The following NEBL variants were observed in gnomAD, a reference collection of about 807,000 sequenced individuals.
The protein encoded by NEBL is LIM and SH3 protein 2.
Under a neutral mutation model 140.2 loss-of-function variants are expected in NEBL, and 122 were observed. The observed-to-expected ratio is 0.87, with a 90% CI of 0.75 to 1.01. NEBL has a LOEUF of 1.01. Among genes scored for constraint, NEBL ranks in the 50% least tolerant of loss-of-function variants. The pLI, the probability that NEBL is intolerant of heterozygous loss-of-function variation, is 0.00. For missense variants in NEBL, 1,365 were observed against 1,231.3 expected, an observed-to-expected ratio of 1.11 and a Z score of -1.62; for synonymous variants, 436 against 398.9, an observed-to-expected ratio of 1.09 and a Z score of -1.11.
chr10:20,826,363 A>G, intron 18 of NEBL, 84 bp downstream of exon 18: 2 of 1,038,694 alleles, frequency 1.9e-6, no homozygotes, highest in East Asian at 2.4e-5. Context: ...GAAAAAAGCC[A>G]TCAGTTGAGT....
chr10:20,808,623 G>A lies in NEBL; in HGVS notation c.2648C>T (p.Ser883Phe), dbSNP rs1220796680. 2 of 1,613,320 alleles carry A rather than the reference G, an allele frequency of 1.2e-6. No individual in the cohort carries two copies. Among genetic ancestry groups the A allele is most frequent in the East Asian group, 2.2e-5 (1 of 44,860 alleles). ...TGTACCGAAAGTACTGCTGGAATGG[G>A]ATCGAGACCAGTGTCGCCTATAGTG... Reference protein sequence around the residue: ...ASHYRRHWSRSHSSSTFGTGL... With the variant: ...ASHYRRHWSRFHSSSTFGTGL... The change falls in exon 26 of 28, where the codon TCC becomes TTC. Residue 883 changes from serine to phenylalanine, a missense_variant. Coordinates refer to ENST00000377122, the MANE Select transcript of NEBL (RefSeq NM_006393.3).
chr10:21,232,679 T>C lies in NEBL; in HGVS notation n.348+15242A>G, dbSNP rs894963335. Among the ~76,000 whole-genome samples the C allele has an allele frequency of 5.9e-5, 9 of 152,182 alleles. 1 individual carries two copies. Among genetic ancestry groups the C allele is most frequent in the Non-Finnish European group, 1.2e-4 (8 of 68,038 alleles). On this transcript the variant is annotated intron_variant and non_coding_transcript_variant, in intron 3 of 8. Transcript: ENST00000675702. ...TGCTGCAGATCTGATGAGGCGGAGC[T>C]CACGTGGTAATTCAAGTGATGGGGA...
At chr10:21,003,310 C>T (rs1350488522) in intron 3 of NEBL, among the ~76,000 whole-genome samples, 1 of 152,158 alleles carries the variant, frequency 6.6e-6, no homozygotes, top group African/African-American at 2.4e-5. Context: ...TGGAGGGAAA[C>T]AGCTTTATGG....
intron 2 of NEBL, among the ~76,000 whole-genome samples, chr10:21,068,859 G>T (rs938028220): frequency 2.0e-5 from 3 of 152,074 alleles, no homozygotes; most frequent in African/African-American, 7.2e-5. Flanking sequence ...TTATTACATT[G>T]TCTCATCTTC....
chr10:21,024,549 G>T (rs1838944305), intron 2 of NEBL, among the ~76,000 whole-genome samples: 1 of 151,710 alleles, frequency 6.6e-6, no homozygotes, highest in African/African-American at 2.4e-5. Flanking sequence ...AGAAAGAGTG[G>T]GATGGCCTCA....
chr10:21,010,614 AT>A (rs1052447790), intron 3 of NEBL, among the ~76,000 whole-genome samples: 6 of 152,096 alleles, frequency 3.9e-5, no homozygotes, highest in African/African-American at 1.4e-4. Context: ...TCAAAAAAAA[AT>A]AAGAAAGCAT....
intron 1 of NEBL, among the ~76,000 whole-genome samples, chr10:21,253,947 C>G (rs928529966): frequency 6.6e-6 from 1 of 152,134 alleles, no homozygotes; most frequent in Non-Finnish European, 1.5e-5. Context: ...AATGAAGAAA[C>G]TTTGCACAAA....
intron 2 of NEBL, among the ~76,000 whole-genome samples, chr10:21,082,535 T>TACAAAAAAAAA (rs1836420591): frequency 8.5e-6 from 1 of 117,306 alleles, no homozygotes; most frequent in Non-Finnish European, 1.7e-5. Flanking sequence ...CCACCACCAC[T>TACAAAAAAAAA]AAAAAAAAAA....
chr10:21,178,128 G>T (rs553231553), upstream of NEBL, among the ~76,000 whole-genome samples: 1 of 152,254 alleles, frequency 6.6e-6, no homozygotes, highest in Admixed American at 6.5e-5. Context: ...TTTCTCCAAA[G>T]ATCTTAAGCA....
intron 3 of NEBL, among the ~76,000 whole-genome samples, chr10:21,227,701 C>CTTCT (rs1842176988): frequency 1.2e-5 from 1 of 82,626 alleles, no homozygotes; most frequent in African/African-American, 6.1e-5. Flanking sequence ...TCTTCTTCTT[C>CTTCT]TTCTTCTTCT....
chr10:21,228,727 C>A (rs1159471533), intron 3 of NEBL, among the ~76,000 whole-genome samples: 1 of 152,148 alleles, frequency 6.6e-6, no homozygotes, highest in Non-Finnish European at 1.5e-5. Flanking sequence ...AATAAAATTT[C>A]TAAAATATAA....
Position 20,873,666 on chromosome 10 carries a change from A to C in NEBL, c.481-3825T>G, listed in dbSNP as rs118105259. 3.8e-3 allele frequency among the ~76,000 whole-genome samples: 571 copies of C among 152,244 alleles called. 17 individuals carry two copies. The highest frequency in any genetic ancestry group is 0.025 in the East Asian group (130 of 5,184). ...TTTTTTCAAGGTATGACGGTATGAA[A>C]TTTTTCAAACAATCATAACATCTGC... On this transcript the variant is annotated intron_variant, in intron 5 of 27. Transcript: ENST00000377122.
chr10:21,160,546 A>G (rs905222340), intron 2 of NEBL, among the ~76,000 whole-genome samples: 1 of 151,960 alleles, frequency 6.6e-6, no homozygotes, highest in East Asian at 1.9e-4. Flanking sequence ...AAATTTTTAA[A>G]TAGAATTCCC....
chr10:21,027,326 GTT>G (rs35413279), intron 2 of NEBL, among the ~76,000 whole-genome samples: 42 of 143,102 alleles, frequency 2.9e-4, no homozygotes, highest in East Asian at 4.1e-4. Flanking sequence ...AACTTTTTTT[GTT>G]TTTTTTTTTT....
chr10:21,089,584 AC>A (rs1432797098), intron 2 of NEBL, among the ~76,000 whole-genome samples: 1 of 151,954 alleles, frequency 6.6e-6, no homozygotes, highest in East Asian at 1.9e-4. Flanking sequence ...CACTGAATTC[AC>A]TCAAAAAGTG....
At chr10:21,036,031 C>T (rs559152516) in intron 2 of NEBL, among the ~76,000 whole-genome samples, 3 of 152,080 alleles carry the variant, frequency 2.0e-5, no homozygotes, top group East Asian at 1.9e-4. Context: ...GGCATGGTGG[C>T]GCGCACCTGT....
At chr10:20,929,503 T>C (rs1834075628) in intron 4 of NEBL, among the ~76,000 whole-genome samples, 1 of 152,194 alleles carries the variant, frequency 6.6e-6, no homozygotes, top group Admixed American at 6.5e-5. Flanking sequence ...CTATGCATAT[T>C]TCATCACAGA....
chr10:20,822,574 A>G (rs188097257), intron 19 of NEBL, among the ~76,000 whole-genome samples: 429 of 151,580 alleles, frequency 2.8e-3, no homozygotes, highest in African/African-American at 8.2e-3. Context: ...ATATAGAGAT[A>G]TATACAGACT....
chr10:20,950,873 T>C (rs1835425832), intron 4 of NEBL, among the ~76,000 whole-genome samples: 1 of 152,270 alleles, frequency 6.6e-6, no homozygotes, highest in Admixed American at 6.5e-5. Flanking sequence ...ATTCTTTTTT[T>C]CTAAATCCAT....
Sources: gnomAD v4.1 joint callset for allele counts (sites outside exome capture counted in the v4.1 genomes callset) on GRCh38, gnomAD v4.1.1 for gene constraint, MANE v1.5 for transcripts, NCBI Gene and HGNC (gene_info 2026-07-23, HGNC 2026-07-21) for gene names.